Variants in CRACD observed in about 807,000 individuals in gnomAD.
CRACD encodes the protein capping protein-inhibiting regulator of actin dynamics.
A neutral mutation model predicts 106.8 loss-of-function variants in CRACD; 56 were observed. The ratio of observed to expected loss-of-function variants is 0.52; its 90% CI spans 0.42 to 0.66. The LOEUF (loss-of-function observed/expected upper bound fraction) is 0.66, where lower values mean the gene tolerates loss of function less well. Ranked by LOEUF, CRACD falls within the 30% of genes least tolerant of loss-of-function variation. The pLI is 0.00. For synonymous variants in CRACD, 754 were observed against 670.8 expected (o/e 1.12, Z -1.92); for missense variants, 1,730 against 1,623.2 (o/e 1.07, Z -1.13).
chr4:56,196,564 A>G (rs1737621281), intron 2 of CRACD: 1 of 152,612 alleles, frequency 6.6e-6, no homozygotes, highest in African/African-American at 2.4e-5. Flanking sequence ...TCTAGGACAC[A>G]TCAAAGCACC....
rs111521933 is a variant in CRACD at position 56,217,467 on chromosome 4, G to A, written c.-189+38037G>A. Among the ~76,000 whole-genome samples the A allele has an allele frequency of 6.5e-3, 993 of 152,200 alleles. 8 individuals are homozygous for A. The highest frequency in any genetic ancestry group is 0.023 in the African/African-American group (943 of 41,522). On this transcript the variant is annotated intron_variant, in intron 2 of 10. Transcript: ENST00000682029. ...GGGGAGGGATTCCAGGTCCTAGGTG[G>A]ATTCAAAGATTTTCTGGTTGGCATT...
chr4:56,208,607 A>G (rs1276286910), intron 2 of CRACD, among the ~76,000 whole-genome samples: 1 of 152,226 alleles, frequency 6.6e-6, no homozygotes, highest in Non-Finnish European at 1.5e-5. Context: ...ACTAAAATAC[A>G]CCTTAAAGAA....
At chr4:56,119,993 T>G (rs183461515) in intron 1 of CRACD, among the ~76,000 whole-genome samples, 81 of 152,326 alleles carry the variant, frequency 5.3e-4, no homozygotes, top group Non-Finnish European at 9.6e-4. Flanking sequence ...GCACTACCCC[T>G]TGTCGTTTAT....
intron 1 of CRACD, among the ~76,000 whole-genome samples, chr4:56,160,831 G>A (rs1735926233): frequency 6.6e-6 from 1 of 152,216 alleles, no homozygotes; most frequent in Admixed American, 6.5e-5. Flanking sequence ...TTCCTGCTCA[G>A]TGCTCCTTGT....
chr4:56,058,252 T>C (rs917502717), intron 1 of CRACD, among the ~76,000 whole-genome samples: 2 of 152,162 alleles, frequency 1.3e-5, no homozygotes, highest in African/African-American at 4.8e-5. Flanking sequence ...GTATTTTTAG[T>C]AGAGACGATG....
At chr4:56,255,554 A>T (rs192488841) in intron 2 of CRACD, among the ~76,000 whole-genome samples, 1 of 152,324 alleles carries the variant, frequency 6.6e-6, no homozygotes, top group Admixed American at 6.5e-5. Context: ...GAGGCCACAA[A>T]CTTGCAAACA....
intron 1 of CRACD, among the ~76,000 whole-genome samples, chr4:56,082,225 C>T (rs1350287433): frequency 1.3e-5 from 2 of 152,130 alleles, no homozygotes; most frequent in Admixed American, 1.3e-4. Context: ...ATGCAGCAAT[C>T]TGGGCATTCC....
intron 2 of CRACD, among the ~76,000 whole-genome samples, chr4:56,217,386 T>C (rs769173712): frequency 1.5e-5 from 2 of 136,644 alleles, no homozygotes; most frequent in Non-Finnish European, 3.1e-5. Context: ...AAGATATCAA[T>C]CAATACATGT....
At chr4:56,307,146 AT>A (rs201217538) in intron 4 of CRACD, among the ~76,000 whole-genome samples, 1 of 151,914 alleles carries the variant, frequency 6.6e-6, no homozygotes, top group South Asian at 2.1e-4. Flanking sequence ...GTTTTCTATA[AT>A]TTTTTTTGCA....
intron 2 of CRACD, among the ~76,000 whole-genome samples, chr4:56,229,285 A>T (rs1739481511): frequency 6.6e-6 from 1 of 152,128 alleles, no homozygotes; most frequent in Non-Finnish European, 1.5e-5. Flanking sequence ...AATGGGATTC[A>T]TGCCCTTTTT....
intron 3 of CRACD, among the ~76,000 whole-genome samples, chr4:56,286,803 C>T (rs927683601): frequency 6.6e-6 from 1 of 152,082 alleles, no homozygotes; most frequent in African/African-American, 2.4e-5. Context: ...AGCATCATGC[C>T]AGTGACTTCC....
chr4:56,197,005 C>A (rs927750478), intron 2 of CRACD, among the ~76,000 whole-genome samples: 1 of 152,016 alleles, frequency 6.6e-6, no homozygotes, highest in Non-Finnish European at 1.5e-5. Context: ...AAATTCCCAT[C>A]AAAAATGCTT....
intron 3 of CRACD, among the ~76,000 whole-genome samples, chr4:56,280,306 AAAAAG>A (rs1162416238): frequency 6.6e-6 from 1 of 152,082 alleles, no homozygotes; most frequent in Non-Finnish European, 1.5e-5. Flanking sequence ...AAAGAAAAAA[AAAAAG>A]AAAAGAAATG....
rs149104098 is a variant in CRACD, at chr4:56,124,784, G to T, written c.-335-54500G>T. Among the ~76,000 whole-genome samples, 327 of 152,124 alleles carry T rather than the reference G, an allele frequency of 2.1e-3. 1 individual carries two copies. The highest frequency in any genetic ancestry group is 3.6e-3 in the Non-Finnish European group (247 of 67,994). On this transcript the variant is annotated intron_variant, in intron 1 of 10. Transcript: ENST00000682029. ...CTTATGTTGTCTTTCCCTACTTTTGGTAGAGGAAGAGTTGCTTTTCATTCC... is the reference window on the plus strand; with the variant it reads ...CTTATGTTGTCTTTCCCTACTTTTGTTAGAGGAAGAGTTGCTTTTCATTCC...
intron 2 of CRACD, among the ~76,000 whole-genome samples, chr4:56,212,038 G>A (rs1400603079): frequency 2.0e-5 from 3 of 152,098 alleles, no homozygotes; most frequent in Admixed American, 6.5e-5. Context: ...GTCACAGGAT[G>A]AGCTAGGAGG....
At chr4:56,142,425 G>A (rs960292981) in intron 1 of CRACD, among the ~76,000 whole-genome samples, 12 of 152,124 alleles carry the variant, frequency 7.9e-5, no homozygotes, top group South Asian at 4.2e-4. Flanking sequence ...TGTACTGTCC[G>A]CCTTGTCAGA....
chr4:56,182,010 A>G (rs1368584924), intron 2 of CRACD, among the ~76,000 whole-genome samples: 2 of 152,184 alleles, frequency 1.3e-5, no homozygotes, highest in Non-Finnish European at 2.9e-5. Flanking sequence ...AATAGATATT[A>G]CTATTCCCAT....
intron 10 of CRACD, among the ~76,000 whole-genome samples, chr4:56,325,759 C>G (rs1746400614): frequency 6.6e-6 from 1 of 152,210 alleles, no homozygotes; most frequent in African/African-American, 2.4e-5. Flanking sequence ...CCCCACTAGG[C>G]TCCACTATTC....
chr4:56,216,144 C>CT (rs1577749127), intron 2 of CRACD: 2 of 152,294 alleles, frequency 1.3e-5, no homozygotes, highest in East Asian at 3.9e-4. Flanking sequence ...CAGATGATGT[C>CT]TTAAAGCGCC....
Sources: gnomAD v4.1 joint callset for allele counts (sites outside exome capture counted in the v4.1 genomes callset) on GRCh38, gnomAD v4.1.1 for gene constraint, MANE v1.5 for transcripts, NCBI Gene and HGNC (gene_info 2026-07-23, HGNC 2026-07-21) for gene names.